Variants in EPHA3 observed in about 807,000 individuals in gnomAD.
EPHA3 encodes EPH receptor A3, also known as ephrin type-A receptor 3.
Under a neutral mutation model 107.1 loss-of-function variants are expected in EPHA3, and 42 were observed. That is an observed-to-expected ratio of 0.39 (90% CI 0.31 to 0.51). The LOEUF (loss-of-function observed/expected upper bound fraction) is 0.51. Ranked by LOEUF, EPHA3 falls within the 20% of genes least tolerant of loss-of-function variation. The pLI, the probability that EPHA3 is intolerant of heterozygous loss-of-function variation, is 0.78. For missense variants in EPHA3, 1,183 were observed against 1,211.2 expected, an observed-to-expected ratio of 0.98 and a Z score of 0.35; for synonymous variants, 461 against 424.8, an observed-to-expected ratio of 1.09 and a Z score of -1.05.
chr3:89,304,053 C>A (rs1363905707), intron 3 of EPHA3, among the ~76,000 whole-genome samples: 1 of 152,056 alleles, frequency 6.6e-6, no homozygotes, highest in Non-Finnish European at 1.5e-5. Flanking sequence ...CTGTTGAAAT[C>A]TGTAACTAAG....
intron 3 of EPHA3, among the ~76,000 whole-genome samples, chr3:89,250,981 A>G (rs1705149837): frequency 6.6e-6 from 1 of 152,182 alleles, no homozygotes; most frequent in South Asian, 2.1e-4. Flanking sequence ...ATTAGAAAGG[A>G]TTAACATCTT....
intron 5 of EPHA3, among the ~76,000 whole-genome samples, chr3:89,359,589 A>G (rs1173726731): frequency 4.7e-5 from 7 of 149,898 alleles, no homozygotes; most frequent in Non-Finnish European, 7.5e-5. Context: ...ATGTTTTTTA[A>G]ATTGTGATAC....
chr3:89,393,977 T>G (rs148489099), intron 5 of EPHA3, among the ~76,000 whole-genome samples: 1 of 115,586 alleles, frequency 8.7e-6, no homozygotes, highest in East Asian at 2.1e-4. Context: ...GATTATTGAA[T>G]AGATGAAGAA....
intron 15 of EPHA3, among the ~76,000 whole-genome samples, chr3:89,452,691 A>G (rs534177706): frequency 6.6e-6 from 1 of 152,088 alleles, no homozygotes; most frequent in East Asian, 1.9e-4. Flanking sequence ...AAAATTTTTA[A>G]TTTGATATAA....
chr3:89,187,928 C>T (rs1028173235), intron 2 of EPHA3, among the ~76,000 whole-genome samples: 1 of 152,098 alleles, frequency 6.6e-6, no homozygotes, highest in African/African-American at 2.4e-5. Flanking sequence ...GCACCACAAA[C>T]CTGCTTTCTT....
At chr3:89,206,480 T>C (rs1370579149) in intron 2 of EPHA3, among the ~76,000 whole-genome samples, 1 of 152,180 alleles carries the variant, frequency 6.6e-6, no homozygotes, top group Admixed American at 6.5e-5. Flanking sequence ...CAAATAATAT[T>C]GTCATGATCG....
At chr3:89,235,341 A>C (rs941208270) in intron 3 of EPHA3, among the ~76,000 whole-genome samples, 2 of 152,218 alleles carry the variant, frequency 1.3e-5, no homozygotes, top group Non-Finnish European at 2.9e-5. Flanking sequence ...AATAGATGAA[A>C]CAAAATGATT....
At chr3:89,404,463 T>G (rs1209721498) in intron 7 of EPHA3, among the ~76,000 whole-genome samples, 1 of 152,162 alleles carries the variant, frequency 6.6e-6, no homozygotes, top group Non-Finnish European at 1.5e-5. Context: ...ATCACTCTTT[T>G]GAGAGAGAAA....
rs1396718491 is a variant in EPHA3 at position 89,480,049 on chromosome 3, GTTGTT to G, written c.*550_*554del. 4.3e-6 allele frequency: 1 copy of G among 232,668 alleles called. No individual in the cohort carries two copies. The highest frequency in any genetic ancestry group is 8.5e-6 in the Non-Finnish European group (1 of 117,574). The allele number at this position is 232,668 out of a possible 1,614,324, so 14.4% of individuals were successfully genotyped here. A position where few individuals can be genotyped will look rare whatever the true frequency, so the allele number is the denominator to read the frequency against. ...AAAGCATATAGAGATGAAGTTTGTA[GTTGTT>G]TTAAGTACTACACATTTTTAAATTG... On this transcript the variant is annotated 3_prime_UTR_variant, in exon 17 of 17. Transcript: ENST00000336596.
At chr3:89,290,830 C>A (rs1055534476) in intron 3 of EPHA3, among the ~76,000 whole-genome samples, 2 of 151,982 alleles carry the variant, frequency 1.3e-5, no homozygotes, top group African/African-American at 4.8e-5. Flanking sequence ...AGTTGGGTGT[C>A]TTTTATAATT....
rs1279261131 is a variant in EPHA3, at chr3:89,219,708, T to G, written c.814+9188T>G. On this transcript the variant is annotated intron_variant, in intron 3 of 16. Transcript: ENST00000336596. Reference sequence around the variant, plus strand: ...GCAATGTTTTTTTTTTTTTTGTTTTTTGTTTTTTTTTTTTTTTTGAGACGG... The same window carrying G: ...GCAATGTTTTTTTTTTTTTTGTTTTGTGTTTTTTTTTTTTTTTTGAGACGG... 1.9e-3 allele frequency among the ~76,000 whole-genome samples: 32 copies of G among 17,290 alleles called. 6 individuals carry two copies. The South Asian group carries it at 0.029, about 16-fold the overall frequency. 11.3% of individuals were successfully genotyped at this position (17,290 alleles called of 152,430 possible).
At chr3:89,422,570 A>G (rs998676950) in intron 11 of EPHA3, among the ~76,000 whole-genome samples, 2 of 151,336 alleles carry the variant, frequency 1.3e-5, no homozygotes, top group African/African-American at 4.8e-5. Flanking sequence ...CTACTTTACT[A>G]TTTTTAGATA....
intron 2 of EPHA3, among the ~76,000 whole-genome samples, chr3:89,159,158 T>C (rs1704867354): frequency 6.6e-6 from 1 of 152,146 alleles, no homozygotes; most frequent in African/African-American, 2.4e-5. Flanking sequence ...TTATCAAATA[T>C]CTACTAGGCA....
chr3:89,183,509 C>A (rs1298994008), intron 2 of EPHA3, among the ~76,000 whole-genome samples: 1 of 151,852 alleles, frequency 6.6e-6, no homozygotes, highest in Admixed American at 6.6e-5. Flanking sequence ...TTATAAATCA[C>A]CTTTTGCCTC....
chr3:89,458,058 C>G (rs2107562985), intron 15 of EPHA3, among the ~76,000 whole-genome samples: 1 of 146,864 alleles, frequency 6.8e-6, no homozygotes, highest in African/African-American at 2.4e-5. Context: ...TTCTTGGCAA[C>G]AGTCAAGAAA....
chr3:89,393,146 A>T (rs1708779037), intron 5 of EPHA3, among the ~76,000 whole-genome samples: 2 of 152,190 alleles, frequency 1.3e-5, no homozygotes, highest in African/African-American at 4.8e-5. Flanking sequence ...GAGCAGAACA[A>T]ATGACTTATT....
chr3:89,159,469 G>T (rs1303244764), intron 2 of EPHA3, among the ~76,000 whole-genome samples: 3 of 152,064 alleles, frequency 2.0e-5, no homozygotes, highest in Non-Finnish European at 2.9e-5. Flanking sequence ...GTTAGTCCCT[G>T]GCTATGGTCT....
intron 2 of EPHA3, among the ~76,000 whole-genome samples, chr3:89,202,623 T>C (rs892133070): frequency 2.7e-5 from 4 of 150,712 alleles, no homozygotes; most frequent in Non-Finnish European, 4.4e-5. Context: ...TTTGCACATA[T>C]AAATATTTAA....
chr3:89,204,000 G>A (rs1309328512), intron 2 of EPHA3, among the ~76,000 whole-genome samples: 1 of 152,048 alleles, frequency 6.6e-6, no homozygotes, highest in Non-Finnish European at 1.5e-5. Flanking sequence ...GAGACATTGT[G>A]CCTTTAATAG....
Sources: gnomAD v4.1 joint callset for allele counts (sites outside exome capture counted in the v4.1 genomes callset) on GRCh38, gnomAD v4.1.1 for gene constraint, MANE v1.5 for transcripts, NCBI Gene and HGNC (gene_info 2026-07-23, HGNC 2026-07-21) for gene names.